The following DPEP3 variants were observed in gnomAD, a reference collection of about 807,000 sequenced individuals.
DPEP3 encodes the protein membrane-bound dipeptidase 3.
Under a neutral mutation model 47.5 loss-of-function variants are expected in DPEP3, and 42 were observed. The observed-to-expected ratio is 0.88, with a 90% CI of 0.69 to 1.14. The LOEUF is 1.14. DPEP3 is among the 50% of genes most tolerant of loss of function. The pLI, the probability that DPEP3 is intolerant of heterozygous loss-of-function variation, is 0.00. For synonymous variants in DPEP3, 276 were observed against 270.2 expected (o/e 1.02, Z -0.21); for missense variants, 560 against 635.0 (o/e 0.88, Z 1.27).
Position 67,980,311 on chromosome 16 carries a change from G to T in DPEP3, c.70C>A (p.Leu24Ile). 6.4e-7 allele frequency: 1 copy of T among 1,562,114 alleles called. No individual in the cohort carries two copies. The change falls in exon 1 of 10, where the codon CTA (leucine) becomes ATA (isoleucine). Residue 24 changes from leucine (L) to isoleucine (I), a missense_variant. Coordinates refer to ENST00000268793, the MANE Select transcript of DPEP3 (RefSeq NM_001370198.1). The part of the protein sequence containing the change: ...RRYLRRLLLL[L>I]LLLLLRQPVT... ...GGCTGCCGCAGCAGCAGCAGCAGTA[G>T]CAGGAGCAGCAGACGCCGCAGATAC...
rs200562605 is a variant in DPEP3 at position 67,977,846 on chromosome 16, G to T, written c.757-17C>A. 2,386 of 1,613,674 alleles carry T rather than the reference G, an allele frequency of 1.5e-3. 16 individuals are homozygous for T. The highest frequency in any genetic ancestry group is 8.5e-3 in the South Asian group (771 of 91,072). ...TACTACTTTCTGCAGAAACAATTAG[G>T]TTTTTTTGTGGGGGAGGGTGTTGGG... On this transcript the variant is annotated splice_polypyrimidine_tract_variant and intron_variant, in intron 5 of 9. Transcript: ENST00000268793.
Position 67,976,694 on chromosome 16 carries a change from A to C in DPEP3, c.1094+6T>G. The C allele has an allele frequency of 6.2e-7, 1 of 1,613,750 alleles. No homozygotes were observed. Among genetic ancestry groups the C allele is most frequent in the Non-Finnish European group, 8.5e-7 (1 of 1,179,830 alleles). On this transcript the variant is annotated splice_donor_region_variant and intron_variant, in intron 8 of 9. Transcript: ENST00000268793. Reference sequence around the variant, plus strand: ...AGCCTAAGAGAAACCTCAGGGAAGCACTCACCGGCCAGTCCCGTCATAATT... The same window carrying C: ...AGCCTAAGAGAAACCTCAGGGAAGCCCTCACCGGCCAGTCCCGTCATAATT...
chr16:67,976,956 G>T (rs979870945), intron 7 of DPEP3, among the ~76,000 whole-genome samples, 181 bp from the exon 8 acceptor site: 4 of 152,302 alleles, frequency 2.6e-5, no homozygotes, highest in Non-Finnish European at 5.9e-5. Context: ...ACCCCTTTGG[G>T]ACTTTTCCTG....
rs1370450824 is a variant in DPEP3, at chr16:67,976,229, C to T, written c.1095-1G>A. 11 of 1,613,914 alleles carry T rather than the reference C, an allele frequency of 6.8e-6. No individual in the cohort carries two copies. Among genetic ancestry groups the T allele is most frequent in the Non-Finnish European group, 9.3e-6 (11 of 1,179,958 alleles). On this transcript the variant is annotated splice_acceptor_variant, in intron 8 of 9. Transcript: ENST00000268793. LOFTEE classifies it high-confidence loss of function. ...CACATCCTCCAGCCCCTGAGGGAAC[C>T]TGTGTGGCCACCCACCAGCCAGCTG...
At position 67,980,159 on chromosome 16, in the gene DPEP3, G is replaced by A; in HGVS notation, c.222C>T (p.Thr74=). The A allele has an allele frequency of 1.2e-6, 2 of 1,612,650 alleles. No individual in the cohort carries two copies. The highest frequency in any genetic ancestry group is 2.2e-5 in the South Asian group (2 of 90,900). Residue 74 remains threonine, a synonymous_variant, in exon 1 of 10, where the codon ACC becomes ACT. Coordinates refer to ENST00000268793, the MANE Select transcript of DPEP3 (RefSeq NM_001370198.1). ...GACCCCGAAGGTCCAGGGTTTTGGG[G>A]GTGCCTGGCGTAGTGAGGCCTGGGG... ...LTTPGLTTPG[T]PKTLDLRGRA...
intron 8 of DPEP3, 117 bp from the exon 9 acceptor site, chr16:67,976,345 T>G: frequency 7.1e-7 from 1 of 1,408,448 alleles, no homozygotes; most frequent in Middle Eastern, 1.8e-4. Flanking sequence ...TTCAGGCTAG[T>G]GAATGCAACC....
At chr16:67,979,058 A>G (rs1407889505) in intron 2 of DPEP3, among the ~76,000 whole-genome samples, 1 of 152,188 alleles carries the variant, frequency 6.6e-6, no homozygotes, top group East Asian at 1.9e-4. Flanking sequence ...TAATCTCCAC[A>G]CTGTGGGAGG....
In DPEP3 at chr16:67,978,280, A is replaced by T; in HGVS notation, c.673T>A (p.Cys225Ser). ...GVRYLTLTFT[C>S]STPWAESSTK... is the part of the protein sequence containing the mutation. Reference sequence around the variant, plus strand: ...TGTTATGCTCACCATGGTGTACTGCAGGTGAAGGTAAGTGTCAGGTAGCGC... The same window carrying T: ...TGTTATGCTCACCATGGTGTACTGCTGGTGAAGGTAAGTGTCAGGTAGCGC... The change falls in exon 4 of 10, where the codon TGC becomes AGC. Residue 225 changes from cysteine to serine, a missense_variant. Physicochemically the swap from Cys to Ser is moderately radical, Grantham distance 112. Coordinates refer to ENST00000268793, the MANE Select transcript of DPEP3 (RefSeq NM_001370198.1). This position sits in a 1 kb window ranked among gnomAD's most constrained non-coding sequence, Gnocchi z 4.4. 1 of 1,614,192 alleles carries T rather than the reference A, an allele frequency of 6.2e-7. No homozygotes were observed. Among genetic ancestry groups the T allele is most frequent in the South Asian group, 1.1e-5 (1 of 91,084 alleles).
At chr16:67,979,975 G>A (rs2031286720) in intron 1 of DPEP3, 119 bp downstream of exon 1, 2 of 1,394,514 alleles carry the variant, frequency 1.4e-6, no homozygotes, top group Admixed American at 4.9e-5. Flanking sequence ...AGGAGAGAGG[G>A]CATCCAGGGG....
Position 67,980,194 on chromosome 16 carries a change from C to T in DPEP3, c.187G>A (p.Ala63Thr). ...GTAGTGAGGCCTGGGGTAGTGAGGG[C>T]GCTGGGGACACCCGGCGTGGTGAAG... Reference protein sequence around the residue: ...SLFTTPGVPSALTTPGLTTPG... With the variant: ...SLFTTPGVPSTLTTPGLTTPG... The change falls in exon 1 of 10, where the codon GCC becomes ACC. Residue 63 changes from alanine to threonine, a missense_variant. Coordinates refer to ENST00000268793, the MANE Select transcript of DPEP3 (RefSeq NM_001370198.1). The T allele has an allele frequency of 6.2e-7, 1 of 1,610,448 alleles. No homozygotes were observed. The highest frequency in any genetic ancestry group is 8.5e-7 in the Non-Finnish European group (1 of 1,178,322).
In DPEP3 at chr16:67,975,751, G is replaced by T. The variant is rs749577051; in HGVS notation, c.*14C>A. On this transcript the variant is annotated 3_prime_UTR_variant, in exon 10 of 10. Coordinates refer to ENST00000268793, the MANE Select transcript of DPEP3 (RefSeq NM_001370198.1). Reference sequence around the variant, plus strand: ...GAGGCTTTGCCACAGTGACCTCTGCGGGGACCGACTGTGTCAGCAGAGCCA... The same window carrying T: ...GAGGCTTTGCCACAGTGACCTCTGCTGGGACCGACTGTGTCAGCAGAGCCA... 6.2e-7 allele frequency: 1 copy of T among 1,604,742 alleles called. No homozygotes were observed. Among genetic ancestry groups the T allele is most frequent in the African/African-American group, 1.3e-5 (1 of 74,928 alleles).
intron 7 of DPEP3, 105 bp from the exon 8 acceptor site, chr16:67,976,880 A>ATGAC: frequency 4.4e-6 from 4 of 913,906 alleles, no homozygotes; most frequent in Middle Eastern, 2.2e-4. Flanking sequence ...GAGCTAGCTC[A>ATGAC]TGGCCAGTCA....
At chr16:67,977,150 T>G in intron 7 of DPEP3, 120 bp downstream of exon 7, 2 of 821,064 alleles carry the variant, frequency 2.4e-6, no homozygotes, top group Non-Finnish European at 4.0e-6. Flanking sequence ...GTCTGCTGCC[T>G]CTGGGTCGTT....
rs1378017080 is a variant in DPEP3, at chr16:67,979,849, C to A, written c.288-84G>T. ...TGCTTGGGTCTACCCTCCTCCACCCCACCAGGCACCTCCTCACACAGACCA... is the reference window on the plus strand; with the variant it reads ...TGCTTGGGTCTACCCTCCTCCACCCAACCAGGCACCTCCTCACACAGACCA... On this transcript the variant is annotated intron_variant, in intron 1 of 9. Transcript: ENST00000268793. 2.6e-6 allele frequency: 4 copies of A among 1,555,670 alleles called. No homozygotes were observed. In the Admixed American group the frequency reaches 5.6e-5, roughly 22 times the overall value.
Position 67,977,974 on chromosome 16 carries a change from C to T in DPEP3, c.720G>A (p.Met240Ile), listed in dbSNP as rs769514179. ...AESSTKFRHH[M>I]YTNVSGLTSF... ...TTGTCAATCCGCTGACGTTGGTGTA[C>T]ATGTGGTGTCTGAACTTGGTGGAAC... The change falls in exon 5 of 10, where the codon ATG (methionine) becomes ATA (isoleucine). Residue 240 changes from methionine (M) to isoleucine (I), a missense_variant. By Grantham distance (10) the Met-to-Ile change is conservative (BLOSUM62 1). Coordinates refer to ENST00000268793, the MANE Select transcript of DPEP3 (RefSeq NM_001370198.1). 2 of 1,613,824 alleles carry T rather than the reference C, an allele frequency of 1.2e-6. No homozygotes were observed. Among genetic ancestry groups the T allele is most frequent in the Non-Finnish European group, 1.7e-6 (2 of 1,179,884 alleles).
At chr16:67,976,674 A>G (rs1226351328) in intron 8 of DPEP3, 26 bp downstream of exon 8, 2 of 1,611,188 alleles carry the variant, frequency 1.2e-6, no homozygotes, top group African/African-American at 2.7e-5. Flanking sequence ...ACCCCAGCCT[A>G]AGAGAAACCT....
In DPEP3 at chr16:67,978,599, A is replaced by G. The variant is rs762695724; in HGVS notation, c.442T>C (p.Ser148Pro). The G allele has an allele frequency of 3.1e-6, 5 of 1,613,672 alleles. No homozygotes were observed. The South Asian group carries it at 4.4e-5, about 14-fold the overall frequency. Residue 148 changes from serine (S) to proline (P), a missense_variant, in exon 3 of 10, where the codon TCC becomes CCC. By Grantham distance (74) the Ser-to-Pro change is moderately conservative. Coordinates refer to ENST00000268793, the MANE Select transcript of DPEP3 (RefSeq NM_001370198.1). The surrounding 1 kb of genome is among the most constrained non-coding windows in gnomAD (Gnocchi z 4.4). ...AGGCGCACGGCAGTCTGGTCCTGGG[A>G]CTGGCATGAGACGGAGGCTGACCAG... Reference protein sequence around the residue: ...QFWSASVSCQSQDQTAVRLAL... With the variant: ...QFWSASVSCQPQDQTAVRLAL...
rs2031233319 is a variant in DPEP3, at chr16:67,977,844, A to G, written c.757-15T>C. On this transcript the variant is annotated splice_polypyrimidine_tract_variant and intron_variant, in intron 5 of 9. Coordinates refer to ENST00000268793, the MANE Select transcript of DPEP3 (RefSeq NM_001370198.1). ...TCTACTACTTTCTGCAGAAACAATT[A>G]GGTTTTTTTGTGGGGGAGGGTGTTG... is the stretch of plus-strand genomic sequence containing the variant. 2 of 1,613,628 alleles carry G rather than the reference A, an allele frequency of 1.2e-6. No homozygotes were observed. The highest frequency in any genetic ancestry group is 1.7e-5 in the Admixed American group (1 of 59,970).
chr16:67,976,233 G>A lies in DPEP3; in HGVS notation c.1095-5C>T. On this transcript the variant is annotated splice_region_variant and splice_polypyrimidine_tract_variant and intron_variant, in intron 8 of 9. Coordinates refer to ENST00000268793, the MANE Select transcript of DPEP3 (RefSeq NM_001370198.1). The stretch of plus-strand genomic sequence containing the variant: ...TCCTCCAGCCCCTGAGGGAACCTGT[G>A]TGGCCACCCACCAGCCAGCTGTGGG... 1.9e-6 allele frequency: 3 copies of A among 1,614,006 alleles called. No individual in the cohort carries two copies. In the South Asian group the frequency reaches 3.3e-5, roughly 18 times the overall value.
Sources: gnomAD v4.1 joint callset for allele counts (sites outside exome capture counted in the v4.1 genomes callset) on GRCh38, gnomAD v4.1.1 for gene constraint, Gnocchi (gnomAD v3.1) non-coding constraint, MANE v1.5 for transcripts, NCBI Gene and HGNC (gene_info 2026-07-23, HGNC 2026-07-21) for gene names.